The following SNX8 variants were observed in gnomAD, a reference collection of about 807,000 sequenced individuals.
SNX8 encodes the protein sorting nexin-8.
A neutral mutation model predicts 51.6 loss-of-function variants in SNX8; 25 were observed. The observed-to-expected ratio is 0.48, with a 90% CI of 0.35 to 0.68. The LOEUF (loss-of-function observed/expected upper bound fraction) is 0.68. SNX8 is among the 30% of genes least tolerant of loss of function. The pLI, the probability that SNX8 is intolerant of heterozygous loss-of-function variation, is 0.00. For missense variants in SNX8, 695 were observed against 624.0 expected (o/e 1.11, Z -1.21); for synonymous variants, 324 against 277.0 (o/e 1.17, Z -1.68).
chr7:2,336,597 A>G (rs958616362), intron 1 of SNX8, among the ~76,000 whole-genome samples: 1 of 151,914 alleles, frequency 6.6e-6, no homozygotes, highest in Non-Finnish European at 1.5e-5. Flanking sequence ...AAACCCAGCT[A>G]CTTGGGAGGC....
At chr7:2,345,026 C>A (rs562247024) in intron 1 of SNX8, among the ~76,000 whole-genome samples, 2 of 152,126 alleles carry the variant, frequency 1.3e-5, no homozygotes, top group Non-Finnish European at 2.9e-5. Context: ...TAAATTGGTA[C>A]AGATACTTTG....
At chr7:2,272,161 C>T in intron 3 of SNX8, among the ~76,000 whole-genome samples, 190 bp from the exon 4 acceptor site, 1 of 152,202 alleles carries the variant, frequency 6.6e-6, no homozygotes, top group East Asian at 1.9e-4. Flanking sequence ...AACCTCACCC[C>T]CAGAGGCCCC....
chr7:2,343,948 G>A (rs750362274), intron 1 of SNX8, among the ~76,000 whole-genome samples: 7 of 150,736 alleles, frequency 4.6e-5, no homozygotes, highest in African/African-American at 1.5e-4. Flanking sequence ...GAGGAGAATC[G>A]CTTGAACTGG....
chr7:2,289,862 G>C (rs4719486), intron 1 of SNX8, among the ~76,000 whole-genome samples: 2 of 152,044 alleles, frequency 1.3e-5, no homozygotes, highest in Admixed American at 6.5e-5. Flanking sequence ...GAGCCACTAC[G>C]CTCCTGCCTG....
intron 5 of SNX8, among the ~76,000 whole-genome samples, chr7:2,266,073 C>T (rs1795455862): frequency 2.0e-5 from 3 of 152,206 alleles, no homozygotes; most frequent in Non-Finnish European, 2.9e-5. Context: ...CCTACGATTG[C>T]ACCACTGCAC....
chr7:2,350,072 C>T (rs1779108811), intron 1 of SNX8, among the ~76,000 whole-genome samples: 1 of 152,200 alleles, frequency 6.6e-6, no homozygotes, highest in African/African-American at 2.4e-5. Flanking sequence ...CTGGACACTT[C>T]CCGGCTCTGA....
intron 1 of SNX8, among the ~76,000 whole-genome samples, chr7:2,324,729 C>T (rs1287319753): frequency 1.3e-5 from 2 of 152,192 alleles, no homozygotes; most frequent in South Asian, 2.1e-4. Context: ...CTAGCCTAGG[C>T]TGCAAGACAC....
At chr7:2,345,396 C>G (rs774499022) in intron 1 of SNX8, among the ~76,000 whole-genome samples, 1 of 152,038 alleles carries the variant, frequency 6.6e-6, no homozygotes, top group Non-Finnish European at 1.5e-5. Flanking sequence ...GGAAATCTGG[C>G]CAGGCACAGT....
chr7:2,253,460 T>C lies in SNX8; in HGVS notation c.*1596A>G, dbSNP rs1393535798. On this transcript the variant is annotated 3_prime_UTR_variant, in exon 11 of 11. Coordinates refer to ENST00000222990, the MANE Select transcript of SNX8 (RefSeq NM_013321.4). ...CATTCATGGCAACTGAGAACCTGTC[T>C]CTGCAGAGGGGCGTCAGAAGGCAGC... 1 of 152,236 alleles carries C rather than the reference T, an allele frequency of 6.6e-6. No homozygotes were observed. The highest frequency in any genetic ancestry group is 1.5e-5 in the Non-Finnish European group (1 of 68,076). 9.4% of individuals were successfully genotyped at this position (152,236 alleles called of 1,614,324 possible).
At chr7:2,332,214 A>T (rs531680626) in intron 1 of SNX8, among the ~76,000 whole-genome samples, 29 of 150,266 alleles carry the variant, frequency 1.9e-4, no homozygotes, top group Non-Finnish European at 3.0e-4. Context: ...CTCAGAAAAA[A>T]ATATATATAT....
chr7:2,272,887 G>A (rs1795682212), intron 3 of SNX8, among the ~76,000 whole-genome samples: 1 of 151,966 alleles, frequency 6.6e-6, no homozygotes, highest in African/African-American at 2.4e-5. Flanking sequence ...AGGCTGGAGT[G>A]CAGTGGTGTC....
chr7:2,319,558 G>A (rs1410664427), intron 1 of SNX8, among the ~76,000 whole-genome samples: 4 of 152,164 alleles, frequency 2.6e-5, no homozygotes, highest in Admixed American at 6.6e-5. Flanking sequence ...GCTCACGCCT[G>A]TAATCCCAGC....
intron 1 of SNX8, among the ~76,000 whole-genome samples, chr7:2,304,468 C>T (rs1401855233): frequency 5.9e-5 from 9 of 151,958 alleles, no homozygotes; most frequent in Admixed American, 3.3e-4. Flanking sequence ...GGCGTGAACC[C>T]GGGAGGCGGA....
At chr7:2,328,541 G>A (rs973887016) in intron 1 of SNX8, among the ~76,000 whole-genome samples, 2 of 152,096 alleles carry the variant, frequency 1.3e-5, no homozygotes, top group East Asian at 1.9e-4. Context: ...GGCCAGTCAC[G>A]GTGGTTCACG....
At chr7:2,261,917 G>A (rs1584669434) in intron 7 of SNX8, among the ~76,000 whole-genome samples, 1 of 152,352 alleles carries the variant, frequency 6.6e-6, no homozygotes, top group South Asian at 2.1e-4. Context: ...CGGGGCTCAG[G>A]GGAAGCACAG....
chr7:2,259,083 A>G (rs1357025396), intron 7 of SNX8, among the ~76,000 whole-genome samples: 4 of 152,192 alleles, frequency 2.6e-5, no homozygotes, highest in Non-Finnish European at 5.9e-5. Flanking sequence ...CATCTGCGGT[A>G]TGAAGAGTCG....
At chr7:2,261,060 A>G (rs1445146966) in intron 7 of SNX8, among the ~76,000 whole-genome samples, 2 of 152,208 alleles carry the variant, frequency 1.3e-5, no homozygotes, top group Non-Finnish European at 2.9e-5. Context: ...GAATGTGGGA[A>G]GGTTCTGGGT....
chr7:2,274,816 C>T lies in SNX8; in HGVS notation c.418+296G>A, dbSNP rs540539172. ...GCTCTCGGGAGCCCTGGCCACTGCA[C>T]TCTGGAGAGGAGAACTAGGGTTCTC... is the stretch of plus-strand genomic sequence containing the variant. On this transcript the variant is annotated intron_variant, in intron 3 of 10. Coordinates refer to ENST00000222990, the MANE Select transcript of SNX8 (RefSeq NM_013321.4). 4 of 354,714 alleles carry T rather than the reference C, an allele frequency of 1.1e-5. No homozygotes were observed. The East Asian group carries it at 2.3e-4, about 20-fold the overall frequency. The allele number at this position is 354,714 out of a possible 1,614,324, so 22.0% of individuals were successfully genotyped here.
intron 1 of SNX8, among the ~76,000 whole-genome samples, chr7:2,304,405 G>T (rs183192973): frequency 1.3e-5 from 2 of 151,630 alleles, no homozygotes; most frequent in African/African-American, 2.4e-5. Context: ...TTAGCCAGGC[G>T]TGGTGGCGGG....
Sources: gnomAD v4.1 joint callset for allele counts (sites outside exome capture counted in the v4.1 genomes callset) on GRCh38, gnomAD v4.1.1 for gene constraint, MANE v1.5 for transcripts, NCBI Gene and HGNC (gene_info 2026-07-23, HGNC 2026-07-21) for gene names.